Variants in LURAP1L observed in about 807,000 individuals in gnomAD.
LURAP1L encodes the protein leucine rich adaptor protein 1-like.
A neutral mutation model predicts 13.8 loss-of-function variants in LURAP1L; 12 were observed. The observed-to-expected ratio is 0.87, with a 90% CI of 0.56 to 1.41. LURAP1L has a LOEUF of 1.41. Among genes scored for constraint, LURAP1L ranks in the 40% most tolerant of loss-of-function variants. The pLI, the probability that LURAP1L is intolerant of heterozygous loss-of-function variation, is 0.00. For synonymous variants in LURAP1L, 139 were observed against 119.2 expected, an observed-to-expected ratio of 1.17 and a Z score of -1.08; for missense variants, 375 against 292.9, an observed-to-expected ratio of 1.28 and a Z score of -2.04.
intron 1 of LURAP1L, among the ~76,000 whole-genome samples, chr9:12,812,578 T>TG (rs1184633992): frequency 3.3e-4 from 51 of 152,246 alleles, no homozygotes; most frequent in Admixed American, 2.5e-3. Flanking sequence ...GAAATAGAAT[T>TG]GGGAGAATGA....
intron 1 of LURAP1L, among the ~76,000 whole-genome samples, chr9:12,795,951 A>C (rs1270766652): frequency 6.6e-6 from 1 of 152,084 alleles, no homozygotes; most frequent in Non-Finnish European, 1.5e-5. Flanking sequence ...GAAAGTGAGA[A>C]GATTCTACTA....
intron 1 of LURAP1L, among the ~76,000 whole-genome samples, chr9:12,791,146 C>T (rs574594427): frequency 6.6e-6 from 1 of 152,124 alleles, no homozygotes; most frequent in Admixed American, 6.6e-5. Flanking sequence ...GCAGTGTTCA[C>T]ATAAGTAAGA....
chr9:12,815,121 A>G (rs1184431176), intron 1 of LURAP1L, among the ~76,000 whole-genome samples: 2 of 152,172 alleles, frequency 1.3e-5, no homozygotes, highest in African/African-American at 4.8e-5. Flanking sequence ...GAGAAAACAG[A>G]GGAGTGATTT....
intron 1 of LURAP1L, among the ~76,000 whole-genome samples, chr9:12,780,375 A>C (rs560875672): frequency 5.3e-5 from 1 of 18,838 alleles, no homozygotes; most frequent in African/African-American, 2.0e-4. Flanking sequence ...ACAAGGAAAA[A>C]AAACAAGGTT....
chr9:12,801,025 A>AT lies in LURAP1L; in HGVS notation c.313-20361_313-20360insT, dbSNP rs1433101982. 2.0e-5 allele frequency among the ~76,000 whole-genome samples: 3 copies of AT among 152,108 alleles called. No homozygotes were observed. The East Asian group carries it at 5.8e-4, about 29-fold the overall frequency. ...CAACTGAAAGATCTATTTAATTTTGACTAGGCATAATGTTAATTATGATAC... is the reference window on the plus strand; with the variant it reads ...CAACTGAAAGATCTATTTAATTTTGATCTAGGCATAATGTTAATTATGATAC... On this transcript the variant is annotated intron_variant, in intron 1 of 1. Transcript: ENST00000319264.
At chr9:12,781,755 T>G (rs1819274650) in intron 1 of LURAP1L, among the ~76,000 whole-genome samples, 1 of 152,224 alleles carries the variant, frequency 6.6e-6, no homozygotes, top group Non-Finnish European at 1.5e-5. Context: ...TTGATTTCCT[T>G]TCTCCTGAGT....
chr9:12,775,862 T>TGCCGGCGGC lies in LURAP1L; in HGVS notation c.148_149insCCGGCGGCG (p.Gly49_Gly50insAlaGlyGly). 1 of 1,511,048 alleles carries TGCCGGCGGC rather than the reference T, an allele frequency of 6.6e-7. No individual in the cohort carries two copies. The highest frequency in any genetic ancestry group is 2.4e-5 in the East Asian group (1 of 41,096). 93.6% of individuals were successfully genotyped at this position (1,511,048 alleles called of 1,614,324 possible). A position where few individuals can be genotyped will look rare whatever the true frequency, so the allele number is the denominator to read the frequency against. ...ACCCCTGCGGGGGGAGCGGTGGTGG[T>TGCCGGCGGC]GGCGGCGGCGGCGGCGGCTGCAGTA... On this transcript the variant is annotated inframe_insertion, in exon 1 of 2. Transcript: ENST00000319264.
chr9:12,790,253 A>G (rs999427625), intron 1 of LURAP1L, among the ~76,000 whole-genome samples: 6 of 152,128 alleles, frequency 3.9e-5, no homozygotes, highest in African/African-American at 9.7e-5. Context: ...GGTTAATAAT[A>G]TTGCTCACTA....
intron 1 of LURAP1L, among the ~76,000 whole-genome samples, chr9:12,786,583 A>ATATATATATATATATAT (rs1384664118): frequency 1.5e-4 from 3 of 19,856 alleles, no homozygotes; most frequent in Admixed American, 3.8e-4. Flanking sequence ...TATATATATA[A>ATATATATATATATATAT]ACCCTTGTGC....
At chr9:12,807,020 C>CA (rs71329888) in intron 1 of LURAP1L, among the ~76,000 whole-genome samples, 2,232 of 21,576 alleles carry the variant, frequency 0.1, 368 homozygotes, top group African/African-American at 0.16. Context: ...GACTCCGTCT[C>CA]AAAAAAAAAA....
intron 1 of LURAP1L, among the ~76,000 whole-genome samples, chr9:12,786,132 A>T (rs1206526779): frequency 6.6e-6 from 1 of 152,100 alleles, no homozygotes; most frequent in African/African-American, 2.4e-5. Flanking sequence ...GTATTATGTC[A>T]TTTCATTCTC....
chr9:12,784,751 T>A (rs894788636), intron 1 of LURAP1L, among the ~76,000 whole-genome samples: 1 of 151,404 alleles, frequency 6.6e-6, no homozygotes, highest in East Asian at 2.0e-4. Context: ...TGGTGAATCA[T>A]TCTAAACTTG....
chr9:12,804,633 A>G (rs1819631594), intron 1 of LURAP1L, among the ~76,000 whole-genome samples: 1 of 152,116 alleles, frequency 6.6e-6, no homozygotes, highest in Non-Finnish European at 1.5e-5. Flanking sequence ...GTGAGCCACC[A>G]TGCCTGGTCC....
intron 1 of LURAP1L, among the ~76,000 whole-genome samples, chr9:12,808,449 C>CT (rs1159074400): frequency 2.0e-5 from 3 of 152,146 alleles, no homozygotes; most frequent in South Asian, 4.1e-4. Flanking sequence ...ACCCCCAGAA[C>CT]TTTTTTATTT....
chr9:12,805,194 T>G (rs1819640210), intron 1 of LURAP1L, among the ~76,000 whole-genome samples: 1 of 152,156 alleles, frequency 6.6e-6, no homozygotes, highest in African/African-American at 2.4e-5. Context: ...TATTTTTCCT[T>G]AAAAGACTAG....
intron 1 of LURAP1L, among the ~76,000 whole-genome samples, chr9:12,815,707 T>A (rs1819796039): frequency 6.6e-6 from 1 of 152,152 alleles, no homozygotes; most frequent in Non-Finnish European, 1.5e-5. Context: ...GAGGGCTTTA[T>A]GAGAAACCTG....
intron 1 of LURAP1L, among the ~76,000 whole-genome samples, chr9:12,776,684 G>T (rs1478574116): frequency 6.6e-6 from 1 of 152,030 alleles, no homozygotes; most frequent in African/African-American, 2.4e-5. Context: ...TGATCCCAGG[G>T]AGCAGGTGAT....
intron 1 of LURAP1L, among the ~76,000 whole-genome samples, chr9:12,800,784 A>G (rs1819575011): frequency 1.3e-5 from 2 of 152,124 alleles, no homozygotes; most frequent in South Asian, 4.1e-4. Context: ...CATGCTTCCT[A>G]TATAGCCTTC....
At chr9:12,792,905 T>C (rs183603360) in intron 1 of LURAP1L, among the ~76,000 whole-genome samples, 7 of 152,190 alleles carry the variant, frequency 4.6e-5, no homozygotes, top group Admixed American at 4.6e-4. Context: ...TTCCAATTAT[T>C]CCTTATTTGG....
Sources: gnomAD v4.1 joint callset for allele counts (sites outside exome capture counted in the v4.1 genomes callset) on GRCh38, gnomAD v4.1.1 for gene constraint, MANE v1.5 for transcripts, NCBI Gene and HGNC (gene_info 2026-07-23, HGNC 2026-07-21) for gene names.